CENPM: variants seen among roughly 807,000 people sequenced by gnomAD.
The protein encoded by CENPM is centromere protein M, also known as interphase centromere complex protein 39.
Under a neutral mutation model 19.6 loss-of-function variants are expected in CENPM, and 14 were observed. That is an observed-to-expected ratio of 0.71 (90% CI 0.47 to 1.11). CENPM has a LOEUF of 1.11. Among genes scored for constraint, CENPM ranks in the 50% most tolerant of loss-of-function variants. The pLI is 0.00. For missense variants in CENPM, 239 were observed against 228.4 expected, an observed-to-expected ratio of 1.05 and a Z score of -0.30; for synonymous variants, 114 against 101.5, an observed-to-expected ratio of 1.12 and a Z score of -0.74.
At chr22:41,932,315 C>T in the CENPM span, among the ~76,000 whole-genome samples, 2 of 152,270 alleles carry the variant, frequency 1.3e-5, no homozygotes, top group South Asian at 4.1e-4. This position sits in a 1 kb window ranked among gnomAD's most constrained non-coding sequence, Gnocchi z 4.3. Context: ...GATGCAGTGC[C>T]GTGGGCCTCG....
chr22:41,931,495 AAT>A, the CENPM span, among the ~76,000 whole-genome samples: 1 of 114,004 alleles, frequency 8.8e-6, no homozygotes, highest in African/African-American at 4.9e-5. Flanking sequence ...AAAAAAAAAT[AAT>A]AATAAAATAA....
In CENPM at chr22:41,945,311, T is replaced by C. The variant is rs2077787007; in HGVS notation, c.231-7A>G. 1 of 1,613,820 alleles carries C rather than the reference T, an allele frequency of 6.2e-7. No homozygotes were observed. Among genetic ancestry groups the C allele is most frequent in the Non-Finnish European group, 8.5e-7 (1 of 1,180,008 alleles). The stretch of plus-strand genomic sequence containing the variant: ...CTCCTCTGTGTTCTGGAGACTGGGG[T>C]GGCCAGGCCAGGGTGAGAAAACAAA... On this transcript the variant is annotated splice_region_variant and splice_polypyrimidine_tract_variant and intron_variant, in intron 3 of 5. Transcript: ENST00000215980.
the CENPM span, among the ~76,000 whole-genome samples, chr22:41,933,270 A>G: frequency 6.6e-6 from 1 of 151,926 alleles, no homozygotes; most frequent in African/African-American, 2.4e-5. Context: ...AGGCTAGAGT[A>G]AAGGGGCCCG....
chr22:41,927,929 C>G, the CENPM span, among the ~76,000 whole-genome samples: 6 of 152,200 alleles, frequency 3.9e-5, no homozygotes, highest in East Asian at 1.2e-3. Context: ...GAAGGTGGGC[C>G]GGAAGGCTTC....
At chr22:41,934,482 GC>G (rs990017324), downstream of CENPM, among the ~76,000 whole-genome samples, 1 of 152,022 alleles carries the variant, frequency 6.6e-6, no homozygotes, top group South Asian at 2.1e-4. Flanking sequence ...AGTAGCCTTC[GC>G]CCCCCCATTC....
the CENPM span, among the ~76,000 whole-genome samples, chr22:41,931,387 G>T: frequency 6.6e-6 from 1 of 151,654 alleles, no homozygotes; most frequent in African/African-American, 2.4e-5. Flanking sequence ...GCTGAGGCAG[G>T]AAGAATTGTT....
intron 3 of CENPM, 51 bp from the exon 4 acceptor site, chr22:41,945,355 C>G (rs754262768): frequency 6.2e-7 from 1 of 1,609,826 alleles, no homozygotes; most frequent in South Asian, 1.1e-5. Context: ...CAAAACTTTA[C>G]AACGGAGAAA....
the CENPM span, among the ~76,000 whole-genome samples, chr22:41,929,289 GT>G: frequency 6.6e-6 from 1 of 152,138 alleles, no homozygotes; most frequent in Non-Finnish European, 1.5e-5. Flanking sequence ...GTTGGTGCTG[GT>G]ATTACCCATT....
At chr22:41,934,983 C>G (rs1447063165), downstream of CENPM, among the ~76,000 whole-genome samples, 2 of 152,378 alleles carry the variant, frequency 1.3e-5, no homozygotes, top group East Asian at 1.9e-4. Context: ...CCACCCATCC[C>G]CCGCCTTCCA....
the CENPM span, among the ~76,000 whole-genome samples, chr22:41,929,552 C>G: frequency 6.6e-6 from 1 of 152,220 alleles, no homozygotes; most frequent in Non-Finnish European, 1.5e-5. Flanking sequence ...AGACTGCTCT[C>G]AAGGCCAGAG....
At chr22:41,935,631 A>G (rs2077680427), downstream of CENPM, among the ~76,000 whole-genome samples, 1 of 151,990 alleles carries the variant, frequency 6.6e-6, no homozygotes, top group South Asian at 2.1e-4. Flanking sequence ...CAAGTGCCCG[A>G]GGGGCTTTTT....
chr22:41,936,132 A>C (rs767351470), downstream of CENPM, among the ~76,000 whole-genome samples: 29 of 152,142 alleles, frequency 1.9e-4, 1 homozygote, highest in Non-Finnish European at 2.9e-4. Context: ...GGCCTCCCAA[A>C]GTGTTGGGAT....
At chr22:41,945,477 G>A in intron 3 of CENPM, 173 bp from the exon 4 acceptor site, 1 of 1,245,492 alleles carries the variant, frequency 8.0e-7, no homozygotes, top group Non-Finnish European at 1.1e-6. Context: ...TTTAGATGGA[G>A]TTTCACTTTG....
chr22:41,929,702 G>A, the CENPM span, among the ~76,000 whole-genome samples: 1 of 151,966 alleles, frequency 6.6e-6, no homozygotes, highest in Non-Finnish European at 1.5e-5. Context: ...CGCTCCCTAT[G>A]TGCTGGGCCA....
intron 5 of CENPM, among the ~76,000 whole-genome samples, chr22:41,943,294 G>A (rs1268823232): frequency 6.6e-6 from 1 of 152,188 alleles, no homozygotes; most frequent in African/African-American, 2.4e-5. Context: ...AGTTATAACT[G>A]AGTATGCAGA....
At chr22:41,945,097 C>T (rs1221696506) in intron 4 of CENPM, 128 bp downstream of exon 4, 7 of 1,544,790 alleles carry the variant, frequency 4.5e-6, no homozygotes, top group Non-Finnish European at 5.2e-6. Flanking sequence ...CTCCACCCTC[C>T]GATAGGCCCC....
downstream of CENPM, among the ~76,000 whole-genome samples, chr22:41,934,523 C>T (rs538987486): frequency 3.9e-5 from 6 of 152,184 alleles, no homozygotes; most frequent in African/African-American, 1.4e-4. Context: ...GGTTCTTGCC[C>T]GCCTTCAACA....
downstream of CENPM, among the ~76,000 whole-genome samples, chr22:41,936,093 C>T (rs759441571): frequency 6.6e-6 from 1 of 152,230 alleles, no homozygotes; most frequent in Non-Finnish European, 1.5e-5. Context: ...TGGTCTCGAA[C>T]TCCTGACCTC....
Position 41,947,084 on chromosome 22 carries a change from G to A in CENPM, c.-8C>T. The A allele has an allele frequency of 6.2e-7, 1 of 1,612,800 alleles. No homozygotes were observed. Among genetic ancestry groups the A allele is most frequent in the Non-Finnish European group, 8.5e-7 (1 of 1,179,818 alleles). Reference sequence around the variant, plus strand: ...GGGCCTCAACACCGACATCACAGCCGCAGGACCAACCGTTGCTCCTGCGGT... The same window carrying A: ...GGGCCTCAACACCGACATCACAGCCACAGGACCAACCGTTGCTCCTGCGGT... On this transcript the variant is annotated 5_prime_UTR_variant, in exon 1 of 6. Coordinates refer to ENST00000215980, the MANE Select transcript of CENPM (RefSeq NM_024053.5).
Sources: allele counts gnomAD v4.1 joint callset (sites outside exome capture counted in the v4.1 genomes callset), GRCh38; gene constraint gnomAD v4.1.1; non-coding constraint Gnocchi (gnomAD v3.1); transcripts MANE v1.5; gene names NCBI Gene and HGNC (gene_info 2026-07-23, HGNC 2026-07-21).